Variants in HS3ST3A1 observed in about 807,000 individuals in gnomAD.
HS3ST3A1 encodes heparan sulfate glucosamine 3-O-sulfotransferase 3A1.
In HS3ST3A1, 19 loss-of-function variants were observed where a neutral mutation model predicts 25.7. The ratio of observed to expected loss-of-function variants is 0.74; its 90% CI spans 0.52 to 1.08. The LOEUF is 1.08. Ranked by LOEUF, HS3ST3A1 falls within the 50% of genes least tolerant of loss-of-function variation. The pLI is 0.00. For missense variants in HS3ST3A1, 459 were observed against 594.3 expected (o/e 0.77, Z 2.37); for synonymous variants, 226 against 278.6 (o/e 0.81, Z 1.88).
intron 1 of HS3ST3A1, among the ~76,000 whole-genome samples, chr17:13,500,696 G>A (rs1183464326): frequency 5.9e-5 from 9 of 152,166 alleles, no homozygotes; most frequent in African/African-American, 2.4e-5. Context: ...AATGGGTTGA[G>A]ACCAACACTA....
intron 1 of HS3ST3A1, among the ~76,000 whole-genome samples, chr17:13,505,061 C>G (rs1490379187): frequency 6.6e-6 from 1 of 152,160 alleles, no homozygotes. Context: ...ATTTTTCTGA[C>G]AAGGAAGCTG....
At chr17:13,599,249 A>G (rs891655437) in intron 1 of HS3ST3A1, among the ~76,000 whole-genome samples, 1 of 152,204 alleles carries the variant, frequency 6.6e-6, no homozygotes, top group Non-Finnish European at 1.5e-5. Flanking sequence ...TTTCTTTCCA[A>G]CAAATGGAAA....
intron 1 of HS3ST3A1, among the ~76,000 whole-genome samples, chr17:13,498,925 T>G (rs532000495): frequency 6.7e-6 from 1 of 149,778 alleles, no homozygotes; most frequent in East Asian, 2.0e-4. Context: ...TAGCCCATAC[T>G]CAGATTTCCT....
intron 1 of HS3ST3A1, among the ~76,000 whole-genome samples, chr17:13,515,493 T>C (rs1333552161): frequency 1.3e-5 from 2 of 149,424 alleles, no homozygotes; most frequent in African/African-American, 5.0e-5. Flanking sequence ...TTTTTTTTTT[T>C]GCTGAATAGT....
intron 1 of HS3ST3A1, among the ~76,000 whole-genome samples, chr17:13,583,289 C>T (rs1044347481): frequency 1.3e-5 from 2 of 152,166 alleles, no homozygotes; most frequent in South Asian, 2.1e-4. Context: ...TTGATGAGGG[C>T]TACTTTCTCT....
chr17:13,499,635 A>C (rs1251772943), intron 1 of HS3ST3A1, among the ~76,000 whole-genome samples: 1 of 152,106 alleles, frequency 6.6e-6, no homozygotes, highest in Admixed American at 6.6e-5. Flanking sequence ...GAAGAGCTGT[A>C]GGAGACTTTT....
intron 1 of HS3ST3A1, among the ~76,000 whole-genome samples, chr17:13,500,182 G>C (rs1407045383): frequency 2.0e-5 from 3 of 152,148 alleles, no homozygotes; most frequent in African/African-American, 7.2e-5. Context: ...CAAAAGGCAG[G>C]TGTATGTTGG....
intron 1 of HS3ST3A1, among the ~76,000 whole-genome samples, chr17:13,569,664 AT>A (rs200535068): frequency 6.6e-6 from 1 of 152,194 alleles, no homozygotes; most frequent in African/African-American, 2.4e-5. Context: ...TCAGGCGTTC[AT>A]TTTTTACAAC....
chr17:13,514,116 T>C lies in HS3ST3A1; in HGVS notation c.600-17298A>G, dbSNP rs546002468. Among the ~76,000 whole-genome samples, 13 of 152,228 alleles carry C rather than the reference T, an allele frequency of 8.5e-5. No individual in the cohort carries two copies. In the South Asian group the frequency reaches 2.3e-3, roughly 27 times the overall value. On this transcript the variant is annotated intron_variant, in intron 1 of 1. Coordinates refer to ENST00000284110, the MANE Select transcript of HS3ST3A1 (RefSeq NM_006042.3). ...AGACATTTTTTGGTTATGTATGTTTTGTCTATTTTTTTCTAATGGGATTTT... is the reference window on the plus strand; with the variant it reads ...AGACATTTTTTGGTTATGTATGTTTCGTCTATTTTTTTCTAATGGGATTTT...
At chr17:13,500,622 C>T (rs1328098190) in intron 1 of HS3ST3A1, among the ~76,000 whole-genome samples, 3 of 152,160 alleles carry the variant, frequency 2.0e-5, no homozygotes, top group Non-Finnish European at 4.4e-5. Flanking sequence ...GTAGACCATT[C>T]CAACCTCCCT....
At chr17:13,503,293 G>A (rs78359777) in intron 1 of HS3ST3A1, among the ~76,000 whole-genome samples, 10,999 of 151,942 alleles carry the variant, frequency 0.072, 504 homozygotes, top group South Asian at 0.13. Context: ...AGGAAGTAAA[G>A]TTTTGTTAAC....
At chr17:13,513,757 T>C (rs1905957771) in intron 1 of HS3ST3A1, among the ~76,000 whole-genome samples, 1 of 152,208 alleles carries the variant, frequency 6.6e-6, no homozygotes, top group Non-Finnish European at 1.5e-5. Flanking sequence ...ATTGGATACG[T>C]GGGTTGTTTC....
Position 13,591,095 on chromosome 17 carries a change from G to GGAGT in HS3ST3A1, c.599+9432_599+9435dup, listed in dbSNP as rs1242984809. Among the ~76,000 whole-genome samples, 4 of 142,938 alleles carry GGAGT rather than the reference G, an allele frequency of 2.8e-5. No homozygotes were observed. In the South Asian group the frequency reaches 8.8e-4, roughly 32 times the overall value. 93.8% of individuals were successfully genotyped at this position (142,938 alleles called of 152,430 possible). On this transcript the variant is annotated intron_variant, in intron 1 of 1. Transcript: ENST00000284110. ...AGAGTCTCACTCTGTCAGCCAGACT[G>GGAGT]GAGTGCAGTGGTGAGATCTTGGCTC...
At chr17:13,526,109 C>G (rs1906406824) in intron 1 of HS3ST3A1, among the ~76,000 whole-genome samples, 1 of 151,892 alleles carries the variant, frequency 6.6e-6, no homozygotes, top group South Asian at 2.1e-4. Flanking sequence ...GGCGTCTCCA[C>G]AGGGCAGTCT....
At chr17:13,553,403 C>T (rs1019110892) in intron 1 of HS3ST3A1, among the ~76,000 whole-genome samples, 42 of 152,244 alleles carry the variant, frequency 2.8e-4, no homozygotes, top group Admixed American at 1.2e-3. Context: ...AGCCAGAAGC[C>T]ATCATTGCAC....
chr17:13,503,436 T>G (rs554370300), intron 1 of HS3ST3A1, among the ~76,000 whole-genome samples: 1 of 152,298 alleles, frequency 6.6e-6, no homozygotes, highest in East Asian at 1.9e-4. Context: ...GATTTTTGAA[T>G]GCTCACAACA....
intron 1 of HS3ST3A1, among the ~76,000 whole-genome samples, chr17:13,586,882 A>G (rs1304692177): frequency 1.5e-5 from 2 of 130,292 alleles, no homozygotes; most frequent in Non-Finnish European, 3.2e-5. Context: ...AAAAAAAAAA[A>G]AAAAAAAAAA....
chr17:13,503,253 CAG>C (rs1350775575), intron 1 of HS3ST3A1, among the ~76,000 whole-genome samples: 1 of 147,172 alleles, frequency 6.8e-6, no homozygotes, highest in Non-Finnish European at 1.5e-5. Flanking sequence ...AGAAGAAAAA[CAG>C]GCAAAAAGCT....
chr17:13,578,219 A>T (rs772529420), intron 1 of HS3ST3A1, among the ~76,000 whole-genome samples: 2 of 152,024 alleles, frequency 1.3e-5, no homozygotes, highest in Non-Finnish European at 2.9e-5. Context: ...GAATCCATGC[A>T]ATCTTTTAAA....
Sources: allele counts gnomAD v4.1 joint callset (sites outside exome capture counted in the v4.1 genomes callset), GRCh38; gene constraint gnomAD v4.1.1; transcripts MANE v1.5; gene names NCBI Gene and HGNC (gene_info 2026-07-23, HGNC 2026-07-21).